DDX6: variants seen among roughly 807,000 people sequenced by gnomAD.
DDX6 encodes the protein probable ATP-dependent RNA helicase DDX6.
Under a neutral mutation model 60.6 loss-of-function variants are expected in DDX6, and 7 were observed. That is an observed-to-expected ratio of 0.12 (90% CI 0.07 to 0.22). The LOEUF (loss-of-function observed/expected upper bound fraction) is 0.22, where lower values mean the gene tolerates loss of function less well. Ranked by LOEUF, DDX6 falls within the 10% of genes least tolerant of loss-of-function variation. The pLI, the probability that DDX6 is intolerant of heterozygous loss-of-function variation, is 1.00. For synonymous variants in DDX6, 207 were observed against 201.0 expected, an observed-to-expected ratio of 1.03 and a Z score of -0.25; for missense variants, 270 against 589.9, an observed-to-expected ratio of 0.46 and a Z score of 5.62.
In DDX6 at chr11:118,776,852, A is replaced by T. The variant is rs978232772; in HGVS notation, c.369+2780T>A. ...GTCTCAAAAAAAAAAAAAAGAAAGAAAAAAAAAGACTTCAGTGTAGATAAA... is the reference window on the plus strand; with the variant it reads ...GTCTCAAAAAAAAAAAAAAGAAAGATAAAAAAAGACTTCAGTGTAGATAAA... On this transcript the variant is annotated intron_variant, in intron 4 of 13. Coordinates refer to ENST00000534980, the MANE Select transcript of DDX6 (RefSeq NM_004397.6). Among the ~76,000 whole-genome samples, 5 of 151,772 alleles carry T rather than the reference A, an allele frequency of 3.3e-5. No individual in the cohort carries two copies. In the East Asian group the frequency reaches 7.7e-4, roughly 23 times the overall value.
At chr11:118,760,144 TC>T in intron 7 of DDX6, 100 bp from the exon 8 acceptor site, 1 of 1,113,788 alleles carries the variant, frequency 9.0e-7, no homozygotes, top group Non-Finnish European at 1.2e-6. Context: ...AACAAAAGCA[TC>T]CATGAAATGT....
chr11:118,773,757 G>A (rs73003208), intron 4 of DDX6, among the ~76,000 whole-genome samples: 1 of 151,890 alleles, frequency 6.6e-6, no homozygotes, highest in Non-Finnish European at 1.5e-5. Context: ...GCAAGGCTGA[G>A]GCAGGAGAAC....
rs916011672 is a variant in DDX6, at chr11:118,748,101, C to T, written c.*4004G>A. 11 of 152,094 alleles carry T rather than the reference C, an allele frequency of 7.2e-5. No homozygotes were observed. The highest frequency in any genetic ancestry group is 1.2e-4 in the Non-Finnish European group (8 of 68,022). 9.4% of individuals were successfully genotyped at this position (152,094 alleles called of 1,614,324 possible). On this transcript the variant is annotated 3_prime_UTR_variant, in exon 14 of 14. Transcript: ENST00000534980. ...CCTGTTTCAAAAAAGGGAATAGTGA[C>T]TTTGTTTTCTCCAGGCTCCCCTTCC...
intron 4 of DDX6, among the ~76,000 whole-genome samples, chr11:118,769,797 C>T (rs1162418624): frequency 3.3e-5 from 5 of 152,166 alleles, no homozygotes; most frequent in South Asian, 2.1e-4. Flanking sequence ...CTCTGGCTCC[C>T]GGGTTCACGC....
chr11:118,753,715 T>A (rs564934780), intron 13 of DDX6, among the ~76,000 whole-genome samples: 3 of 152,216 alleles, frequency 2.0e-5, no homozygotes, highest in Non-Finnish European at 4.4e-5. Flanking sequence ...TGGATAGTTT[T>A]ATCAGAGTGA....
In DDX6 at chr11:118,768,099, T is replaced by G. The variant is rs1215218898; in HGVS notation, c.499+124A>C. 1.9e-5 allele frequency: 19 copies of G among 983,474 alleles called. No individual in the cohort carries two copies. In the Admixed American group the frequency reaches 4.6e-4, roughly 24 times the overall value. The allele number at this position is 983,474 out of a possible 1,614,324, so 60.9% of individuals were successfully genotyped here. ...CATCAGGCTAAAAAAAGAAAAAACC[T>G]GAAAAGAAAGAATACAAATTTTAGA... On this transcript the variant is annotated intron_variant, in intron 5 of 13. Transcript: ENST00000534980.
rs1448224330 is a variant in DDX6, at chr11:118,748,075, T to C, written c.*4030A>G. ...TTACTGAACAAAAAATAATTTTTTT[T>C]CCTGTTTCAAAAAAGGGAATAGTGA... On this transcript the variant is annotated 3_prime_UTR_variant, in exon 14 of 14. Transcript: ENST00000534980. 1 of 152,104 alleles carries C rather than the reference T, an allele frequency of 6.6e-6. No individual in the cohort carries two copies. Among genetic ancestry groups the C allele is most frequent in the Non-Finnish European group, 1.5e-5 (1 of 68,022 alleles). 9.4% of individuals were successfully genotyped at this position (152,104 alleles called of 1,614,324 possible).
chr11:118,751,063 A>ATATG lies in DDX6; in HGVS notation c.*1038_*1041dup, dbSNP rs1555157159. 3 of 125,028 alleles carry ATATG rather than the reference A, an allele frequency of 2.4e-5. No homozygotes were observed. The highest frequency in any genetic ancestry group is 5.2e-5 in the Non-Finnish European group (3 of 57,986). The allele number at this position is 125,028 out of a possible 1,614,324, so 7.7% of individuals were successfully genotyped here. A position where few individuals can be genotyped will look rare whatever the true frequency, so the allele number is the denominator to read the frequency against. ...CCTTCATCCAAAAAAAAATATATAT[A>ATATG]TATGTATATATATATATATATATGA... On this transcript the variant is annotated 3_prime_UTR_variant, in exon 14 of 14. Transcript: ENST00000534980.
intron 3 of DDX6, among the ~76,000 whole-genome samples, chr11:118,780,812 A>G (rs935994405): frequency 3.3e-5 from 5 of 152,190 alleles, no homozygotes; most frequent in Admixed American, 2.0e-4. Context: ...TTTGTTGTAA[A>G]GGGCTGTCCT....
At chr11:118,782,834 G>A (rs1047728005) in intron 2 of DDX6, among the ~76,000 whole-genome samples, 7 of 151,974 alleles carry the variant, frequency 4.6e-5, no homozygotes, top group East Asian at 3.9e-4. Context: ...TAGTAGAGAC[G>A]GGGATTCAGC....
chr11:118,755,002 C>T (rs993146216), intron 12 of DDX6, 115 bp from the exon 13 acceptor site: 7 of 956,088 alleles, frequency 7.3e-6, no homozygotes, highest in Non-Finnish European at 1.1e-5. Context: ...CAGTGCCATT[C>T]TTAGTATGCA....
chr11:118,774,585 C>T (rs1210978035), intron 4 of DDX6, among the ~76,000 whole-genome samples: 1 of 151,512 alleles, frequency 6.6e-6, no homozygotes, highest in Non-Finnish European at 1.5e-5. Context: ...CTACATGTCC[C>T]CCATGCCCAG....
At chr11:118,783,357 G>A (rs1861966054) in intron 2 of DDX6, among the ~76,000 whole-genome samples, 2 of 152,272 alleles carry the variant, frequency 1.3e-5, no homozygotes, top group South Asian at 2.1e-4. Context: ...GCTCACTGCA[G>A]CCTTTATTAT....
chr11:118,757,716 G>A (rs923282333), intron 9 of DDX6, among the ~76,000 whole-genome samples: 1 of 151,964 alleles, frequency 6.6e-6, no homozygotes, highest in Admixed American at 6.6e-5. Context: ...TCAGCCTCTT[G>A]AGTAGCTGGG....
chr11:118,780,655 A>AT (rs1555164516), intron 3 of DDX6, among the ~76,000 whole-genome samples: 3 of 152,060 alleles, frequency 2.0e-5, no homozygotes, highest in East Asian at 1.9e-4. Context: ...GAATAGTGTT[A>AT]TTTTTTTACA....
At chr11:118,784,386 A>T (rs1401303137) in intron 2 of DDX6, among the ~76,000 whole-genome samples, 2 of 152,026 alleles carry the variant, frequency 1.3e-5, no homozygotes, top group African/African-American at 4.8e-5. Context: ...TTGTAATAAA[A>T]CATATACCTC....
At chr11:118,779,317 G>C (rs932397111) in intron 4 of DDX6, among the ~76,000 whole-genome samples, 1 of 151,922 alleles carries the variant, frequency 6.6e-6, no homozygotes, top group African/African-American at 2.4e-5. Context: ...CTGTATAGAA[G>C]AAAAAAACTG....
intron 1 of DDX6, chr11:118,790,800 C>CGG (rs5795145): frequency 2.0e-5 from 3 of 151,722 alleles, no homozygotes; most frequent in African/African-American, 2.4e-5. Flanking sequence ...AGAGCCGGCC[C>CGG]GGGGGGCTCC....
chr11:118,755,437 A>G lies in DDX6; in HGVS notation c.1241T>C (p.Leu414Pro). Residue 414 changes from leucine to proline, a missense_variant, in exon 12 of 14, where the codon CTG (leucine) becomes CCG (proline). By Grantham distance (98) the Leu-to-Pro change is moderately conservative. Transcript: ENST00000534980. ...NVVINFDFPKLAETYLHRIGR... is the reference protein window; with the variant it reads ...NVVINFDFPKPAETYLHRIGR... ...AATACGATGGAGATAGGTCTCTGCCAGCTTTGGGAAATCAAAGTTTATTAC... is the reference window on the plus strand; with the variant it reads ...AATACGATGGAGATAGGTCTCTGCCGGCTTTGGGAAATCAAAGTTTATTAC... The G allele has an allele frequency of 6.2e-7, 1 of 1,611,336 alleles. No individual in the cohort carries two copies. Among genetic ancestry groups the G allele is most frequent in the Non-Finnish European group, 8.5e-7 (1 of 1,177,864 alleles).
Sources: allele counts gnomAD v4.1 joint callset (sites outside exome capture counted in the v4.1 genomes callset), GRCh38; gene constraint gnomAD v4.1.1; transcripts MANE v1.5; gene names NCBI Gene and HGNC (gene_info 2026-07-23, HGNC 2026-07-21).